The following NCOR2 variants were observed in gnomAD, a reference collection of about 807,000 sequenced individuals.
The protein encoded by NCOR2 is nuclear receptor corepressor 2.
In NCOR2, 81 loss-of-function variants were observed where a neutral mutation model predicts 262.9. The ratio of observed to expected loss-of-function variants is 0.31; its 90% confidence interval spans 0.26 to 0.37. NCOR2 has a LOEUF of 0.37. Ranked by LOEUF, NCOR2 falls within the 10% of genes least tolerant of loss-of-function variation. The pLI is 1.00. For synonymous variants in NCOR2, 1,659 were observed against 1,559.3 expected (o/e 1.06, Z -1.51); for missense variants, 3,385 against 3,621.4 (o/e 0.93, Z 1.68).
At chr12:124,516,702 C>G (rs2049817232) in intron 1 of NCOR2, among the ~76,000 whole-genome samples, 1 of 147,282 alleles carries the variant, frequency 6.8e-6, no homozygotes, top group South Asian at 2.2e-4. Flanking sequence ...AAGGTCACAC[C>G]ATCCTTGAGG....
chr12:124,371,719 C>A (rs957856973), intron 20 of NCOR2, among the ~76,000 whole-genome samples: 2 of 152,154 alleles, frequency 1.3e-5, no homozygotes, highest in African/African-American at 2.4e-5. Flanking sequence ...CTTGTGAGGG[C>A]GGCCCTAGGA....
chr12:124,513,062 G>C (rs2049503704), intron 1 of NCOR2, among the ~76,000 whole-genome samples: 1 of 152,180 alleles, frequency 6.6e-6, no homozygotes, highest in South Asian at 2.1e-4. Context: ...AGGCAGCTTG[G>C]CACACAGGCC....
upstream of NCOR2, among the ~76,000 whole-genome samples, chr12:124,496,933 A>G (rs2048410782): frequency 6.6e-6 from 1 of 152,194 alleles, no homozygotes; most frequent in Non-Finnish European, 1.5e-5. The surrounding 1 kb of genome is among the most constrained non-coding windows in gnomAD (Gnocchi z 4.4). Context: ...GAAAGCCTGG[A>G]GCTCTGGGGG....
At chr12:124,346,456 G>A (rs890116502) in intron 31 of NCOR2, 108 bp downstream of exon 33, 40 of 1,225,918 alleles carry the variant, frequency 3.3e-5, no homozygotes, top group Non-Finnish European at 3.7e-5. Flanking sequence ...TAAGGTACGC[G>A]AGGGCTCTCA....
chr12:124,365,602 G>C (rs1566401633), intron 20 of NCOR2, among the ~76,000 whole-genome samples: 1 of 152,204 alleles, frequency 6.6e-6, no homozygotes, highest in African/African-American at 2.4e-5. Flanking sequence ...GGGGAGAGCA[G>C]ACACAGACTC....
intron 42 of NCOR2, among the ~76,000 whole-genome samples, chr12:124,332,806 G>A (rs2035321464): frequency 6.6e-6 from 1 of 152,090 alleles, no homozygotes. Context: ...TTCCTTCTCA[G>A]GTCCCACCTC....
chr12:124,452,961 C>G, intron 6 of NCOR2, among the ~76,000 whole-genome samples: 1 of 152,148 alleles, frequency 6.6e-6, no homozygotes, highest in East Asian at 1.9e-4. Flanking sequence ...CCCCGAGGCC[C>G]CTGAACCCCA....
At chr12:124,419,091 G>A (rs937233416) in intron 13 of NCOR2, among the ~76,000 whole-genome samples, 5 of 152,066 alleles carry the variant, frequency 3.3e-5, no homozygotes, top group African/African-American at 4.8e-5. Context: ...TCAAGAGCCC[G>A]GATGCAAAAC....
At chr12:124,348,459 A>C in intron 28 of NCOR2, 145 bp from the exon 31 acceptor site, 1 of 1,159,932 alleles carries the variant, frequency 8.6e-7, no homozygotes, top group Non-Finnish European at 1.2e-6. Context: ...CGAGGCCTCC[A>C]GAGGGAGCTG....
rs997089480 is a variant in NCOR2, at chr12:124,523,520, C to T, written c.-118+12045G>A. On this transcript the variant is annotated intron_variant, in intron 1 of 46. Coordinates refer to the NCOR2 transcript ENST00000404621. This position sits in a 1 kb window ranked among gnomAD's most constrained non-coding sequence, Gnocchi z 4.0. ...AGTGTGCCAGGGTCAGTGGGCTTCACGCGGCCTCCACTGTGCCTTACAACC... is the reference window on the plus strand; with the variant it reads ...AGTGTGCCAGGGTCAGTGGGCTTCATGCGGCCTCCACTGTGCCTTACAACC... Among the ~76,000 whole-genome samples the T allele has an allele frequency of 1.3e-5, 2 of 152,118 alleles. No homozygotes were observed. The highest frequency in any genetic ancestry group is 6.5e-5 in the Admixed American group (1 of 15,272).
At chr12:124,441,952 G>T (rs1220674592) in intron 7 of NCOR2, among the ~76,000 whole-genome samples, 1 of 152,190 alleles carries the variant, frequency 6.6e-6, no homozygotes, top group African/African-American at 2.4e-5. Flanking sequence ...TGAAAAACAA[G>T]GCAAGGCTGA....
intron 6 of NCOR2, among the ~76,000 whole-genome samples, chr12:124,452,904 G>A (rs917933809): frequency 7.9e-5 from 12 of 152,156 alleles, no homozygotes; most frequent in African/African-American, 2.4e-4. Context: ...GGGGTGCTGC[G>A]GCCTCTAAAC....
rs866329708 is a variant in NCOR2, at chr12:124,548,490, T to A, written c.-164-12879A>T. 2.6e-5 allele frequency among the ~76,000 whole-genome samples: 4 copies of A among 152,078 alleles called. No individual in the cohort carries two copies. In the South Asian group the frequency reaches 8.3e-4, roughly 32 times the overall value. ...CAGACGGCGACAGAGTGGGGGTCCA[T>A]CATGGTGCCTGGTCTGCCATTCTTT... On this transcript the variant is annotated intron_variant, in intron 1 of 32. Transcript: ENST00000458234. The surrounding 1 kb of genome is among the most constrained non-coding windows in gnomAD (Gnocchi z 5.1).
chr12:124,419,976 C>T, exon 13 of NCOR2: 1 of 1,613,970 alleles, frequency 6.2e-7, no homozygotes. Context: ...GCCGCGGCGC[C>T]GATAGCTCCG....
At chr12:124,351,050 C>T (rs556617070) in intron 27 of NCOR2, among the ~76,000 whole-genome samples, 29 of 152,226 alleles carry the variant, frequency 1.9e-4, no homozygotes, top group African/African-American at 6.7e-4. Flanking sequence ...ATGGGGAAAC[C>T]GAGGCACAGG....
chr12:124,559,400 C>G (rs957134454), intron 1 of NCOR2, among the ~76,000 whole-genome samples: 1 of 152,190 alleles, frequency 6.6e-6, no homozygotes, highest in African/African-American at 2.4e-5. Context: ...CCATCCGGTT[C>G]TCAAATGGGA....
At chr12:124,470,936 C>G (rs564406658) in intron 4 of NCOR2, among the ~76,000 whole-genome samples, 1 of 152,244 alleles carries the variant, frequency 6.6e-6, no homozygotes, top group Non-Finnish European at 1.5e-5. Flanking sequence ...GCCAGTGACC[C>G]GCAGCTTCAG....
rs202101695 is a variant in NCOR2 at position 124,340,339 on chromosome 12, G to C, written c.5443C>G (p.Leu1815Val). 5 of 1,612,906 alleles carry C rather than the reference G, an allele frequency of 3.1e-6. No individual in the cohort carries two copies. In the East Asian group the frequency reaches 1.1e-4, roughly 36 times the overall value. ...TGCTCCACCGTCGTGGTGGACGTGA[G>C]GATGGACTTTTCCCGCTCCCGATCC... is the stretch of plus-strand genomic sequence containing the variant. Residue 1815 changes from leucine (L) to valine (V), a missense_variant, in exon 36 of 47, where the codon CTC (leucine) becomes GTC (valine). By Grantham distance (32) the Leu-to-Val change is conservative (BLOSUM62 1). Transcript: ENST00000405201.
chr12:124,465,479 C>T (rs531814569), intron 5 of NCOR2, among the ~76,000 whole-genome samples: 33 of 152,296 alleles, frequency 2.2e-4, no homozygotes, highest in African/African-American at 7.5e-4. Context: ...TCCCAAGCCC[C>T]TCCAGCAAGA....
Sources: gnomAD v4.1 joint callset for allele counts (sites outside exome capture counted in the v4.1 genomes callset) on GRCh38, gnomAD v4.1.1 for gene constraint, Gnocchi (gnomAD v3.1) non-coding constraint, MANE v1.5 for transcripts, NCBI Gene and HGNC (gene_info 2026-07-23, HGNC 2026-07-21) for gene names.